Variants in SCN1A observed in about 807,000 individuals in gnomAD.
The protein encoded by SCN1A is sodium channel protein type 1 subunit alpha.
SCN1A carries 13 observed loss-of-function variants against 193.7 expected under a neutral mutation model. The observed-to-expected ratio is 0.07, with a 90% CI of 0.04 to 0.11. SCN1A has a LOEUF of 0.11. Among genes scored for constraint, SCN1A ranks in the 10% least tolerant of loss-of-function variants. The pLI is 1.00. For synonymous variants in SCN1A, 781 were observed against 843.6 expected, an observed-to-expected ratio of 0.93 and a Z score of 1.29; for missense variants, 1,432 against 2,451.1, an observed-to-expected ratio of 0.58 and a Z score of 8.78.
chr2:166,082,526 C>A (rs1425813075), intron 2 of SCN1A, among the ~76,000 whole-genome samples: 1 of 151,574 alleles, frequency 6.6e-6, no homozygotes, highest in African/African-American at 2.4e-5. Flanking sequence ...AGCATTCTGG[C>A]AAAAATGGAG....
At chr2:166,103,203 C>A (rs1291118509) in intron 2 of SCN1A, among the ~76,000 whole-genome samples, 1 of 152,068 alleles carries the variant, frequency 6.6e-6, no homozygotes, top group African/African-American at 2.4e-5. Context: ...GTAATCCCAG[C>A]ACTTTGGGAA....
intron 1 of SCN1A, among the ~76,000 whole-genome samples, chr2:166,138,391 C>A (rs182963429): frequency 1.3e-5 from 2 of 152,318 alleles, no homozygotes; most frequent in Admixed American, 1.3e-4. Context: ...GGGCCAGGCC[C>A]AGAGTTCCCA....
At chr2:166,102,607 T>TATTAA (rs747789389) in intron 2 of SCN1A, among the ~76,000 whole-genome samples, 12 of 151,400 alleles carry the variant, frequency 7.9e-5, no homozygotes, top group Non-Finnish European at 1.8e-4. Flanking sequence ...TGAGAATGGA[T>TATTAA]ATTAGTTCAG....
At chr2:166,088,048 CTGTGTGTTTGTGTG>C (rs1471559044) in intron 2 of SCN1A, among the ~76,000 whole-genome samples, 1 of 137,394 alleles carries the variant, frequency 7.3e-6, no homozygotes, top group Non-Finnish European at 1.5e-5. Flanking sequence ...ATCCCACAAT[CTGTGTGTTTGTGTG>C]TGTGTGTGTG....
intron 2 of SCN1A, among the ~76,000 whole-genome samples, chr2:166,102,271 C>T (rs1057244463): frequency 6.6e-6 from 1 of 151,926 alleles, no homozygotes; most frequent in Non-Finnish European, 1.5e-5. Context: ...TTGAGGCGGG[C>T]GGATCACGAG....
intron 4 of SCN1A, chr2:166,059,569 T>G (rs1683064279): frequency 6.6e-6 from 1 of 152,170 alleles, no homozygotes; most frequent in Non-Finnish European, 1.5e-5. Flanking sequence ...TCCAAGGTGC[T>G]TACTTATATT....
At chr2:166,074,148 C>G (rs77299140) in intron 3 of SCN1A, among the ~76,000 whole-genome samples, 3,730 of 152,256 alleles carry the variant, frequency 0.024, 224 homozygotes, top group Admixed American at 0.14. Context: ...CAGTGACCAA[C>G]CTTAATGACC....
intron 23 of SCN1A, chr2:166,002,963 C>T: frequency 2.7e-6 from 1 of 366,950 alleles, no homozygotes; most frequent in East Asian, 4.0e-5. Flanking sequence ...GGCAATATAA[C>T]CAAGAAATGA....
chr2:166,117,257 G>A (rs1689971205), intron 2 of SCN1A, among the ~76,000 whole-genome samples: 1 of 152,104 alleles, frequency 6.6e-6, no homozygotes, highest in African/African-American at 2.4e-5. Flanking sequence ...AACTACACAA[G>A]TGCTTTACCT....
chr2:166,031,314 T>C (rs1371239612), intron 19 of SCN1A, among the ~76,000 whole-genome samples: 1 of 152,086 alleles, frequency 6.6e-6, no homozygotes, highest in Non-Finnish European at 1.5e-5. Context: ...AGTCTATTCT[T>C]GCTTCCTGGA....
At chr2:166,137,801 G>A (rs895450790) in intron 1 of SCN1A, among the ~76,000 whole-genome samples, 1 of 152,264 alleles carries the variant, frequency 6.6e-6, no homozygotes. Flanking sequence ...ACAGGCAGAG[G>A]TTGGAACAAT....
chr2:166,031,341 C>T (rs1331020282), intron 19 of SCN1A, among the ~76,000 whole-genome samples: 1 of 152,012 alleles, frequency 6.6e-6, no homozygotes, highest in African/African-American at 2.4e-5. Context: ...GACTCTTTAC[C>T]TACATCTCAT....
At chr2:166,143,140 G>A (rs1260503879) in intron 1 of SCN1A, among the ~76,000 whole-genome samples, 1 of 148,994 alleles carries the variant, frequency 6.7e-6, no homozygotes, top group African/African-American at 2.5e-5. Flanking sequence ...AACAAAACAA[G>A]AAAGATTTAT....
At chr2:166,063,955 A>T (rs1201574471) in intron 4 of SCN1A, among the ~76,000 whole-genome samples, 2 of 152,072 alleles carry the variant, frequency 1.3e-5, no homozygotes, top group Non-Finnish European at 2.9e-5. Context: ...TAAACCATCC[A>T]TTGTTCAGCA....
chr2:166,065,752 T>C (rs752439361), intron 4 of SCN1A, among the ~76,000 whole-genome samples: 5 of 152,082 alleles, frequency 3.3e-5, no homozygotes, highest in Non-Finnish European at 7.4e-5. Context: ...AAGCCACAGA[T>C]TACAAACTAA....
At chr2:166,130,618 A>C (rs1691619372), upstream of SCN1A, among the ~76,000 whole-genome samples, 1 of 152,152 alleles carries the variant, frequency 6.6e-6, no homozygotes, top group Admixed American at 6.6e-5. Flanking sequence ...GAACAATTTT[A>C]TGTTGTATCT....
chr2:165,993,506 CT>C (rs937883992), intron 28 of SCN1A: 1 of 152,182 alleles, frequency 6.6e-6, no homozygotes, highest in Non-Finnish European at 1.5e-5. Context: ...ATGAAATGAG[CT>C]ATTGCTCATG....
At chr2:166,130,637 A>T (rs187366702), upstream of SCN1A, among the ~76,000 whole-genome samples, 467 of 152,302 alleles carry the variant, frequency 3.1e-3, 4 homozygotes, top group African/African-American at 0.011. Context: ...CTTATGAAAC[A>T]TGGTCATTTG....
At position 166,013,877 on chromosome 2, in the gene SCN1A, C is replaced by T; in HGVS notation, c.3572G>A (p.Cys1191Tyr). The T allele has an allele frequency of 6.2e-7, 1 of 1,611,962 alleles. No homozygotes were observed. The highest frequency in any genetic ancestry group is 8.5e-7 in the Non-Finnish European group (1 of 1,178,554). The change falls in exon 21 of 29, where the codon TGT becomes TAT. Residue 1191 changes from cysteine to tyrosine, a missense_variant. By Grantham distance (194) the Cys-to-Tyr change is radical. Coordinates refer to ENST00000674923, the MANE Select transcript of SCN1A (RefSeq NM_001165963.4). ...FTEGCVQRFKCCQINVEEGRG... is the reference protein window; with the variant it reads ...FTEGCVQRFKYCQINVEEGRG... The stretch of plus-strand genomic sequence containing the variant: ...GCCTTCTTCCACATTGATTTGACAA[C>T]ACTTGAATCTTTGTACACAGCCTGC...
Sources: gnomAD v4.1 joint callset for allele counts (sites outside exome capture counted in the v4.1 genomes callset) on GRCh38, gnomAD v4.1.1 for gene constraint, MANE v1.5 for transcripts, NCBI Gene and HGNC (gene_info 2026-07-23, HGNC 2026-07-21) for gene names.